The following ADAMTSL3 variants were observed in gnomAD, a reference collection of about 807,000 sequenced individuals.
ADAMTSL3 encodes ADAMTS-like protein 3.
In ADAMTSL3, 128 loss-of-function variants were observed where a neutral mutation model predicts 201.7. That is an observed-to-expected ratio of 0.63 (90% CI 0.55 to 0.73). The LOEUF is 0.73. Ranked by LOEUF, ADAMTSL3 falls within the 30% of genes least tolerant of loss-of-function variation. ADAMTSL3 has a pLI of 0.00. For synonymous variants in ADAMTSL3, 738 were observed against 748.4 expected (o/e 0.99, Z 0.23); for missense variants, 1,990 against 2,119.6 (o/e 0.94, Z 1.20).
intron 23 of ADAMTSL3, among the ~76,000 whole-genome samples, chr15:84,004,507 AAACCAGGAGTG>A (rs1226626910): frequency 6.6e-6 from 1 of 152,222 alleles, no homozygotes; most frequent in Non-Finnish European, 1.5e-5. Flanking sequence ...AACCAGGAGT[AAACCAGGAGTG>A]AACCAGGAGT....
chr15:84,017,977 T>C (rs2068118077), intron 25 of ADAMTSL3, among the ~76,000 whole-genome samples: 1 of 152,216 alleles, frequency 6.6e-6, no homozygotes, highest in South Asian at 2.1e-4. Context: ...TGAGTTTTCA[T>C]GTAGGTCATG....
chr15:83,800,124 A>G (rs2063494420), intron 4 of ADAMTSL3, among the ~76,000 whole-genome samples: 1 of 152,216 alleles, frequency 6.6e-6, no homozygotes, highest in African/African-American at 2.4e-5. Flanking sequence ...GGGTTTAAAA[A>G]TAAAAACGTT....
At chr15:83,980,239 G>C (rs1322041645) in intron 20 of ADAMTSL3, among the ~76,000 whole-genome samples, 1 of 152,194 alleles carries the variant, frequency 6.6e-6, no homozygotes, top group Non-Finnish European at 1.5e-5. Context: ...CACTCTGCCA[G>C]TAACCGCCTG....
intron 5 of ADAMTSL3, among the ~76,000 whole-genome samples, chr15:83,808,371 G>A (rs936531274): frequency 6.6e-6 from 1 of 152,102 alleles, no homozygotes; most frequent in Non-Finnish European, 1.5e-5. Context: ...ACCAACCCAG[G>A]TGTATGAAAA....
In ADAMTSL3 at chr15:83,675,284, T is replaced by C. The variant is rs1286529278; in HGVS notation, c.69+19454T>C. Among the ~76,000 whole-genome samples, 3 of 152,210 alleles carry C rather than the reference T, an allele frequency of 2.0e-5. No homozygotes were observed. The East Asian group carries it at 5.8e-4, about 29-fold the overall frequency. On this transcript the variant is annotated intron_variant, in intron 2 of 29. Transcript: ENST00000286744. ...ATGTTAAGTTTCTCTCCCTAATCCA[T>C]TCCCATGGGTAAGGTCCATGGAAGA... is the stretch of plus-strand genomic sequence containing the variant.
At chr15:83,735,724 C>T (rs1344739108) in intron 3 of ADAMTSL3, among the ~76,000 whole-genome samples, 1 of 151,586 alleles carries the variant, frequency 6.6e-6, no homozygotes, top group East Asian at 1.9e-4. Flanking sequence ...AAGTCAGCTA[C>T]CATCAGGATC....
At chr15:83,946,935 G>A (rs1037784914) in intron 19 of ADAMTSL3, among the ~76,000 whole-genome samples, 4 of 152,156 alleles carry the variant, frequency 2.6e-5, no homozygotes, top group African/African-American at 7.2e-5. Flanking sequence ...AAGGGCAAGC[G>A]TATATACACG....
chr15:83,800,759 A>T (rs1312349233), intron 4 of ADAMTSL3, among the ~76,000 whole-genome samples: 1 of 152,206 alleles, frequency 6.6e-6, no homozygotes, highest in African/African-American at 2.4e-5. Flanking sequence ...AAAGCTTTTT[A>T]CAGCTGCAAG....
intron 4 of ADAMTSL3, among the ~76,000 whole-genome samples, chr15:83,777,359 A>C (rs185446541): frequency 6.6e-6 from 1 of 152,246 alleles, no homozygotes; most frequent in Admixed American, 6.5e-5. Context: ...GACATCAGCC[A>C]TCAGAGTGTA....
chr15:83,983,396 T>C (rs2067424574), intron 21 of ADAMTSL3, 52 bp downstream of exon 21: 1 of 1,217,680 alleles, frequency 8.2e-7, no homozygotes, highest in Non-Finnish European at 1.1e-6. Flanking sequence ...TCTTAATGGC[T>C]ATTCCAGTTT....
chr15:83,704,585 CAAAGT>C (rs2061822495), intron 3 of ADAMTSL3, 77 bp downstream of exon 3: 1 of 1,559,748 alleles, frequency 6.4e-7, no homozygotes, highest in Admixed American at 1.8e-5. Context: ...AAAAGACCTT[CAAAGT>C]AATTATATTT....
intron 3 of ADAMTSL3, among the ~76,000 whole-genome samples, chr15:83,724,280 G>C (rs929657545): frequency 6.6e-6 from 1 of 151,676 alleles, no homozygotes; most frequent in East Asian, 1.9e-4. Flanking sequence ...TGTATTTTTA[G>C]TAGAGACACG....
intron 27 of ADAMTSL3, among the ~76,000 whole-genome samples, chr15:84,026,566 A>G (rs1243567643): frequency 6.6e-6 from 1 of 152,212 alleles, no homozygotes; most frequent in Non-Finnish European, 1.5e-5. Flanking sequence ...AGCTACAGTA[A>G]TCAAGATAGT....
At chr15:83,730,844 C>T (rs2062254170) in intron 3 of ADAMTSL3, among the ~76,000 whole-genome samples, 1 of 151,892 alleles carries the variant, frequency 6.6e-6, no homozygotes, top group Non-Finnish European at 1.5e-5. Context: ...AAAATTCTTG[C>T]CAAGGCTAAT....
At chr15:83,791,068 A>G (rs968711424) in intron 4 of ADAMTSL3, among the ~76,000 whole-genome samples, 1 of 152,188 alleles carries the variant, frequency 6.6e-6, no homozygotes, top group African/African-American at 2.4e-5. Context: ...ACTGTAAAAC[A>G]CCGATGAAAG....
At chr15:83,828,121 A>C (rs1368079113) in intron 6 of ADAMTSL3, among the ~76,000 whole-genome samples, 1 of 152,138 alleles carries the variant, frequency 6.6e-6, no homozygotes, top group Non-Finnish European at 1.5e-5. Context: ...CTTGGGCAGT[A>C]TGGCCATTTT....
intron 4 of ADAMTSL3, among the ~76,000 whole-genome samples, chr15:83,792,204 C>G (rs948405350): frequency 1.3e-5 from 2 of 152,038 alleles, no homozygotes; most frequent in African/African-American, 4.8e-5. Flanking sequence ...GCAAAGGACC[C>G]AAATAGACAT....
At chr15:83,767,513 AAC>A (rs964851266) in intron 3 of ADAMTSL3, among the ~76,000 whole-genome samples, 24 of 152,322 alleles carry the variant, frequency 1.6e-4, no homozygotes, top group African/African-American at 5.5e-4. Flanking sequence ...TCAACTGACA[AAC>A]ACAGACATTC....
intron 17 of ADAMTSL3, among the ~76,000 whole-genome samples, chr15:83,941,607 C>A (rs896083271): frequency 5.3e-5 from 8 of 152,022 alleles, no homozygotes; most frequent in African/African-American, 1.9e-4. Flanking sequence ...AACTATACAT[C>A]TACTTTATTA....
Sources: allele counts gnomAD v4.1 joint callset (sites outside exome capture counted in the v4.1 genomes callset), GRCh38; gene constraint gnomAD v4.1.1; transcripts MANE v1.5; gene names NCBI Gene and HGNC (gene_info 2026-07-23, HGNC 2026-07-21).